ARID4B: variants seen among roughly 807,000 people sequenced by gnomAD.
The protein encoded by ARID4B is AT-rich interaction domain 4B, also known as AT-rich interactive domain-containing protein 4B.
Under a neutral mutation model 147.5 loss-of-function variants are expected in ARID4B, and 26 were observed. The observed-to-expected ratio is 0.18, with a 90% confidence interval of 0.13 to 0.24. The LOEUF is 0.24. Ranked by LOEUF, ARID4B falls within the 10% of genes least tolerant of loss-of-function variation. The probability of loss-of-function intolerance (pLI) is 1.00; values close to 1 mark genes in which losing one functional copy is unlikely to be tolerated. For missense variants in ARID4B, 1,179 were observed against 1,511.5 expected (o/e 0.78, Z 3.65); for synonymous variants, 512 against 507.9 (o/e 1.01, Z -0.11).
intron 21 of ARID4B, chr1:235,176,997 A>G (rs74148666): frequency 0.017 from 7,949 of 465,230 alleles, 581 homozygotes; most frequent in African/African-American, 0.14. Flanking sequence ...CAGTATATAT[A>G]TTTTCTGTGG....
At chr1:235,221,222 A>G (rs1015722260) in intron 14 of ARID4B, among the ~76,000 whole-genome samples, 1 of 152,248 alleles carries the variant, frequency 6.6e-6, no homozygotes, top group African/African-American at 2.4e-5. Context: ...ACAAATGAAG[A>G]AACTGAGGCT....
chr1:235,248,489 C>T (rs1224848090), intron 6 of ARID4B, among the ~76,000 whole-genome samples: 3 of 151,744 alleles, frequency 2.0e-5, no homozygotes, highest in Non-Finnish European at 2.9e-5. Context: ...TAAATTAATC[C>T]GGATTCACTT....
chr1:235,234,360 A>G (rs1341124668), intron 9 of ARID4B, 53 bp downstream of exon 9: 2 of 1,155,340 alleles, frequency 1.7e-6, no homozygotes, highest in African/African-American at 3.1e-5. Flanking sequence ...CTAATTCAAA[A>G]TAACAGCATA....
intron 3 of ARID4B, 30 bp downstream of exon 3, chr1:235,260,612 T>C (rs1254086930): frequency 2.0e-6 from 3 of 1,483,874 alleles, no homozygotes; most frequent in African/African-American, 1.4e-5. Flanking sequence ...ATGCTGAACA[T>C]ACAATTTATG....
Position 235,207,062 on chromosome 1 carries a change from A to G in ARID4B, c.1841+6707T>C, listed in dbSNP as rs571787847. Among the ~76,000 whole-genome samples, 17 of 152,356 alleles carry G rather than the reference A, an allele frequency of 1.1e-4. No homozygotes were observed. The East Asian group carries it at 2.5e-3, about 22-fold the overall frequency. ...TGGCTTCAGACAGTAGCATGACTGTATATCTATGGCTAAAGATGAAAACAC... is the reference window on the plus strand; with the variant it reads ...TGGCTTCAGACAGTAGCATGACTGTGTATCTATGGCTAAAGATGAAAACAC... On this transcript the variant is annotated intron_variant, in intron 17 of 23. Transcript: ENST00000264183.
chr1:235,221,886 ATTTTTTTTTTTTTTTTTT>A lies in ARID4B; in HGVS notation c.1066-242_1066-225del, dbSNP rs768600040. Among the ~76,000 whole-genome samples, 550 of 53,750 alleles carry A rather than the reference ATTTTTTTTTTTTTTTTTT, an allele frequency of 0.01. 2 individuals carry two copies. In the Middle Eastern group the frequency reaches 0.12, roughly 12 times the overall value. The allele number at this position is 53,750 out of a possible 152,430, so 35.3% of individuals were successfully genotyped here. A position where few individuals can be genotyped will look rare whatever the true frequency, so the allele number is the denominator to read the frequency against. On this transcript the variant is annotated intron_variant, in intron 13 of 23. Coordinates refer to ENST00000264183, the MANE Select transcript of ARID4B (RefSeq NM_016374.6). ...TGTTGAAATATTAAGTCATTTGACT[ATTTTTTTTTTTTTTTTTT>A]TTTTTTTTTTTTTTTTGGAGACAGG...
rs115629859 is a variant in ARID4B at position 235,273,337 on chromosome 1, C to T, written c.7-12585G>A. ...AGGACTACAAGCATGAGCCACCGCA[C>T]TCAGCCTACACAGCTGTTCTTAAAC... On this transcript the variant is annotated intron_variant, in intron 2 of 23. Transcript: ENST00000264183. Among the ~76,000 whole-genome samples the T allele has an allele frequency of 2.1e-3, 326 of 152,318 alleles. 2 individuals carry two copies. The highest frequency in any genetic ancestry group is 7.5e-3 in the African/African-American group (313 of 41,564).
At chr1:235,255,267 A>ATCTC (rs772853750) in intron 5 of ARID4B, among the ~76,000 whole-genome samples, 22 of 137,244 alleles carry the variant, frequency 1.6e-4, no homozygotes, top group Middle Eastern at 4.9e-3. Flanking sequence ...AGATAGATAT[A>ATCTC]TATCTCTCTC....
chr1:235,186,214 A>G (rs558915039), intron 19 of ARID4B, among the ~76,000 whole-genome samples: 29 of 151,998 alleles, frequency 1.9e-4, no homozygotes, highest in African/African-American at 6.0e-4. Flanking sequence ...TGATCCGCCC[A>G]CCTCAGCCTC....
chr1:235,183,568 A>T (rs1213622540), intron 19 of ARID4B, among the ~76,000 whole-genome samples: 1 of 151,652 alleles, frequency 6.6e-6, no homozygotes, highest in African/African-American at 2.4e-5. Flanking sequence ...AGACGGTCTC[A>T]CTCTCTCATC....
At chr1:235,234,329 A>G in intron 9 of ARID4B, 84 bp downstream of exon 9, 1 of 860,214 alleles carries the variant, frequency 1.2e-6, no homozygotes, top group South Asian at 1.5e-5. Flanking sequence ...ATTGGAAATA[A>G]CTAATTAATC....
chr1:235,252,979 A>C (rs1057161611), intron 5 of ARID4B, among the ~76,000 whole-genome samples, 170 bp from the exon 6 acceptor site: 1 of 152,260 alleles, frequency 6.6e-6, no homozygotes, highest in Admixed American at 6.5e-5. Context: ...TAGAGTTATT[A>C]AAGTAACTTT....
chr1:235,254,007 A>G (rs998728898), intron 5 of ARID4B, among the ~76,000 whole-genome samples: 1 of 152,186 alleles, frequency 6.6e-6, no homozygotes, highest in African/African-American at 2.4e-5. Flanking sequence ...ACATTATGTG[A>G]AACTGGATAA....
At chr1:235,290,654 C>T (rs540970133) in intron 2 of ARID4B, among the ~76,000 whole-genome samples, 2 of 152,322 alleles carry the variant, frequency 1.3e-5, no homozygotes, top group African/African-American at 4.8e-5. Flanking sequence ...CTGTCCTATA[C>T]AGAACTGCAA....
chr1:235,241,445 T>C (rs1300441397), intron 7 of ARID4B, among the ~76,000 whole-genome samples: 1 of 152,218 alleles, frequency 6.6e-6, no homozygotes, highest in Non-Finnish European at 1.5e-5. Context: ...CTTTGATGCC[T>C]TTCCAAAAGT....
At chr1:235,301,534 CTT>C (rs567369149) in intron 2 of ARID4B, among the ~76,000 whole-genome samples, 1,948 of 99,810 alleles carry the variant, frequency 0.02, 52 homozygotes, top group African/African-American at 0.057. Flanking sequence ...GACCCTATTT[CTT>C]TTTTTTTTTT....
Position 235,223,382 on chromosome 1 carries a change from T to TATATACACGTATATATATATATAC in ARID4B, c.971-123_971-122insGTATATATATATATACGTGTATAT, listed in dbSNP as rs71172272. On this transcript the variant is annotated intron_variant, in intron 12 of 23. Transcript: ENST00000264183. ...ATATATATACACGTATATATATATA[T>TATATACACGTATATATATATATAC]ACACGTATATATATGTGTGTGTATA... 2.1e-4 allele frequency: 46 copies of TATATACACGTATATATATATATAC among 214,106 alleles called. 1 individual carries two copies. The highest frequency in any genetic ancestry group is 2.2e-4 in the Non-Finnish European group (24 of 111,286). The allele number at this position is 214,106 out of a possible 1,614,324, so 13.3% of individuals were successfully genotyped here.
At chr1:235,279,920 T>G (rs766991820) in intron 2 of ARID4B, among the ~76,000 whole-genome samples, 1 of 152,222 alleles carries the variant, frequency 6.6e-6, no homozygotes, top group Non-Finnish European at 1.5e-5. Context: ...CTTGTGTAAC[T>G]CTACCGGGAG....
At chr1:235,249,193 C>T (rs571442505) in intron 6 of ARID4B, among the ~76,000 whole-genome samples, 6 of 151,964 alleles carry the variant, frequency 3.9e-5, no homozygotes, top group African/African-American at 7.2e-5. Context: ...ATTAGTCAGG[C>T]GTGGTGCTGC....
Sources: allele counts gnomAD v4.1 joint callset (sites outside exome capture counted in the v4.1 genomes callset), GRCh38; gene constraint gnomAD v4.1.1; transcripts MANE v1.5; gene names NCBI Gene and HGNC (gene_info 2026-07-23, HGNC 2026-07-21).